KLHL18: variants seen among roughly 807,000 people sequenced by gnomAD.
KLHL18 encodes the protein kelch-like protein 18.
KLHL18 carries 38 observed loss-of-function variants against 58.5 expected under a neutral mutation model. That is an observed-to-expected ratio of 0.65 (90% CI 0.50 to 0.85). The LOEUF (loss-of-function observed/expected upper bound fraction) is 0.85, where lower values mean the gene tolerates loss of function less well. Ranked by LOEUF, KLHL18 falls within the 40% of genes least tolerant of loss-of-function variation. The pLI, the probability that KLHL18 is intolerant of heterozygous loss-of-function variation, is 0.00. For synonymous variants in KLHL18, 303 were observed against 301.9 expected (o/e 1.00, Z -0.04); for missense variants, 624 against 778.4 (o/e 0.80, Z 2.36).
At chr3:47,293,681 C>G (rs113805311) in intron 1 of KLHL18, among the ~76,000 whole-genome samples, 1 of 152,236 alleles carries the variant, frequency 6.6e-6, no homozygotes, top group African/African-American at 2.4e-5. Context: ...GCCGTGCTAA[C>G]ATGTCTTCCA....
At position 47,283,040 on chromosome 3, in the gene KLHL18, C is replaced by T. The variant is rs1702500800; in HGVS notation, c.75C>T (p.Tyr25=). The T allele has an allele frequency of 1.2e-6, 2 of 1,602,544 alleles. No homozygotes were observed. Among genetic ancestry groups the T allele is most frequent in the Non-Finnish European group, 1.7e-6 (2 of 1,175,062 alleles). The change falls in exon 1 of 10, where the codon TAC becomes TAT. Residue 25 remains tyrosine, a synonymous_variant. Transcript: ENST00000232766. The part of the protein sequence containing the change: ...FSVSELPSRG[Y]GVMEEIRRQG... ...TGTCTGAGTTGCCTAGTCGCGGCTA[C>T]GGCGTCATGGAGGAGATCCGGCGGC...
chr3:47,310,719 C>T (rs1231163246), intron 1 of KLHL18, among the ~76,000 whole-genome samples: 1 of 152,236 alleles, frequency 6.6e-6, no homozygotes, highest in African/African-American at 2.4e-5. Context: ...TGCCAGATCG[C>T]ACCAGTAACC....
At chr3:47,318,827 A>G (rs1020007807) in intron 1 of KLHL18, among the ~76,000 whole-genome samples, 3 of 152,214 alleles carry the variant, frequency 2.0e-5, no homozygotes, top group Admixed American at 1.3e-4. Flanking sequence ...CAATGATTCG[A>G]TCTTCCAACC....
chr3:47,309,507 C>T (rs1703239662), intron 1 of KLHL18, among the ~76,000 whole-genome samples: 1 of 151,934 alleles, frequency 6.6e-6, no homozygotes, highest in Admixed American at 6.5e-5. Flanking sequence ...ATGCTCCTCA[C>T]TTCCCAGACT....
At chr3:47,342,584 C>CA in intron 8 of KLHL18, 135 bp from the exon 9 acceptor site, 2 of 680,330 alleles carry the variant, frequency 2.9e-6, no homozygotes, top group East Asian at 2.7e-5. Flanking sequence ...GGAGAACTGT[C>CA]AGAGAGGTGG....
At chr3:47,311,901 G>A (rs1703310922) in intron 1 of KLHL18, among the ~76,000 whole-genome samples, 1 of 152,190 alleles carries the variant, frequency 6.6e-6, no homozygotes, top group Admixed American at 6.5e-5. Flanking sequence ...TGCATTTTCA[G>A]TCTTCAGAGT....
rs571507423 is a variant in KLHL18, at chr3:47,298,098, G to A, written c.129+15004G>A. 7.9e-5 allele frequency among the ~76,000 whole-genome samples: 12 copies of A among 152,104 alleles called. No homozygotes were observed. The East Asian group carries it at 2.3e-3, about 29-fold the overall frequency. ...ATGGTGGGGGATAAAACTGGATGGG[G>A]GCCAGGTGCAGCGGCTCACACCTAT... is the stretch of plus-strand genomic sequence containing the variant. On this transcript the variant is annotated intron_variant, in intron 1 of 9. Coordinates refer to ENST00000232766, the MANE Select transcript of KLHL18 (RefSeq NM_025010.5).
intron 1 of KLHL18, among the ~76,000 whole-genome samples, chr3:47,314,989 GTTTA>G (rs1163610918): frequency 6.6e-6 from 1 of 151,944 alleles, no homozygotes; most frequent in East Asian, 1.9e-4. Context: ...TTTGTCTTCT[GTTTA>G]TTTTCTAGAT....
chr3:47,336,508 T>A (rs773675358), intron 6 of KLHL18, 27 bp from the exon 7 acceptor site: 4 of 1,601,372 alleles, frequency 2.5e-6, no homozygotes, highest in Non-Finnish European at 3.4e-6. Flanking sequence ...TCATTTGTTT[T>A]AATTTGAGTA....
At chr3:47,296,277 G>A (rs951960870) in intron 1 of KLHL18, among the ~76,000 whole-genome samples, 1 of 152,176 alleles carries the variant, frequency 6.6e-6, no homozygotes, top group African/African-American at 2.4e-5. Context: ...CTCCTGAATC[G>A]TGAGCCATCT....
intron 3 of KLHL18, among the ~76,000 whole-genome samples, chr3:47,328,510 C>G (rs1703777657): frequency 6.6e-6 from 1 of 152,122 alleles, no homozygotes; most frequent in African/African-American, 2.4e-5. Context: ...CTTGGAAGAA[C>G]ATAACCCACC....
intron 1 of KLHL18, among the ~76,000 whole-genome samples, chr3:47,300,637 CT>C (rs10687949): frequency 1.2e-4 from 9 of 76,922 alleles, no homozygotes; most frequent in African/African-American, 3.0e-4. Flanking sequence ...CATTGTGATT[CT>C]TTTTTTTTTT....
Position 47,282,997 on chromosome 3 carries a change from A to C in KLHL18, c.32A>C (p.Asp11Ala), listed in dbSNP as rs758078908. MVEDGAEELE[D>A]LVHFSVSELP... ...GAGGACGGCGCGGAGGAGCTGGAGG[A>C]TCTGGTGCACTTCTCCGTGTCTGAG... The change falls in exon 1 of 10, where the codon GAT becomes GCT. Residue 11 changes from aspartate to alanine, a missense_variant. Transcript: ENST00000232766. 1 of 1,611,278 alleles carries C rather than the reference A, an allele frequency of 6.2e-7. No homozygotes were observed. Among genetic ancestry groups the C allele is most frequent in the Non-Finnish European group, 8.5e-7 (1 of 1,179,054 alleles).
At chr3:47,330,951 C>T (rs542002607) in intron 4 of KLHL18, among the ~76,000 whole-genome samples, 90 of 150,434 alleles carry the variant, frequency 6.0e-4, no homozygotes, top group Non-Finnish European at 8.4e-4. Flanking sequence ...AGGCTGGTCT[C>T]GAATTCCTGA....
At chr3:47,329,470 G>T (rs1314762911) in intron 3 of KLHL18, among the ~76,000 whole-genome samples, 1 of 152,060 alleles carries the variant, frequency 6.6e-6, no homozygotes, top group African/African-American at 2.4e-5. Context: ...CTCGTGATCT[G>T]CCTGCCTCAG....
intron 1 of KLHL18, among the ~76,000 whole-genome samples, chr3:47,304,193 T>G (rs1197210753): frequency 6.6e-6 from 1 of 152,206 alleles, no homozygotes; most frequent in East Asian, 1.9e-4. Flanking sequence ...TTCCTTTGTC[T>G]TTCATATAAA....
At chr3:47,289,776 T>C (rs1702752610) in intron 1 of KLHL18, among the ~76,000 whole-genome samples, 1 of 152,136 alleles carries the variant, frequency 6.6e-6, no homozygotes, top group Admixed American at 6.5e-5. Context: ...AGCGTGACTC[T>C]GTCTCAAAAA....
chr3:47,309,978 TGGGGAGAGGGAGGGGGAG>T (rs1167844059), intron 1 of KLHL18, among the ~76,000 whole-genome samples: 2 of 15,750 alleles, frequency 1.3e-4, no homozygotes, highest in African/African-American at 2.8e-4. Flanking sequence ...AGGGAGACCG[TGGGGAGAGGGAGGGGGAG>T]GGGGAGGGGG....
At chr3:47,337,203 C>A in intron 7 of KLHL18, 1 of 186,622 alleles carries the variant, frequency 5.4e-6, no homozygotes. Flanking sequence ...CCAGGACTCC[C>A]CTCACACATG....
Sources: allele counts gnomAD v4.1 joint callset (sites outside exome capture counted in the v4.1 genomes callset), GRCh38; gene constraint gnomAD v4.1.1; transcripts MANE v1.5; gene names NCBI Gene and HGNC (gene_info 2026-07-23, HGNC 2026-07-21).